The following KIAA1958 variants were observed in gnomAD, a reference collection of about 807,000 sequenced individuals.
KIAA1958 encodes the protein KIAA1958, also known as uncharacterized protein KIAA1958.
In KIAA1958, 14 loss-of-function variants were observed where a neutral mutation model predicts 47.2. That is an observed-to-expected ratio of 0.30 (90% confidence interval 0.20 to 0.46). The LOEUF is 0.46. KIAA1958 is among the 20% of genes least tolerant of loss of function. The pLI is 1.00. For synonymous variants in KIAA1958, 354 were observed against 353.3 expected (o/e 1.00, Z -0.02); for missense variants, 803 against 909.2 (o/e 0.88, Z 1.50).
intron 2 of KIAA1958, among the ~76,000 whole-genome samples, chr9:112,638,331 C>T (rs2131236842): frequency 6.6e-6 from 1 of 151,820 alleles, no homozygotes; most frequent in Non-Finnish European, 1.5e-5. Flanking sequence ...TAGTGAGACC[C>T]CTGTCACTAC....
chr9:112,655,130 T>G (rs1340841233), intron 3 of KIAA1958, among the ~76,000 whole-genome samples: 1 of 152,256 alleles, frequency 6.6e-6, no homozygotes, highest in Non-Finnish European at 1.5e-5. Context: ...GAGGATCTTT[T>G]TCTTCCTATC....
chr9:112,633,753 A>T (rs1836751207), intron 2 of KIAA1958, among the ~76,000 whole-genome samples: 1 of 152,014 alleles, frequency 6.6e-6, no homozygotes, highest in Non-Finnish European at 1.5e-5. Flanking sequence ...GCTTAACATT[A>T]TGTTTGTGGG....
chr9:112,620,244 G>A (rs1188251202), intron 2 of KIAA1958, among the ~76,000 whole-genome samples: 1 of 152,166 alleles, frequency 6.6e-6, no homozygotes, highest in Non-Finnish European at 1.5e-5. Flanking sequence ...CAATAAAGCT[G>A]AGCTAGGTTC....
intron 2 of KIAA1958, among the ~76,000 whole-genome samples, chr9:112,586,621 A>C (rs550488395): frequency 1.1e-4 from 16 of 152,344 alleles, no homozygotes; most frequent in African/African-American, 3.6e-4. Flanking sequence ...ATGAAATAAA[A>C]ACTATATTAT....
intron 3 of KIAA1958, among the ~76,000 whole-genome samples, chr9:112,655,651 A>G (rs533281482): frequency 6.6e-6 from 1 of 152,350 alleles, no homozygotes; most frequent in Non-Finnish European, 1.5e-5. Flanking sequence ...AGTGCCTTAA[A>G]GAAACCATTT....
At chr9:112,487,983 T>A (rs966401223) in intron 1 of KIAA1958, among the ~76,000 whole-genome samples, 1 of 140,046 alleles carries the variant, frequency 7.1e-6, no homozygotes, top group Non-Finnish European at 1.6e-5. Context: ...GTTTTGAAGT[T>A]TAGGAGTAAA....
chr9:112,488,257 C>T (rs991474263), intron 1 of KIAA1958, among the ~76,000 whole-genome samples: 1 of 152,088 alleles, frequency 6.6e-6, no homozygotes, highest in African/African-American at 2.4e-5. Flanking sequence ...TTTTATTCCA[C>T]GTATATAACC....
At chr9:112,590,595 A>C (rs1239817282) in intron 2 of KIAA1958, among the ~76,000 whole-genome samples, 2 of 151,614 alleles carry the variant, frequency 1.3e-5, no homozygotes, top group Non-Finnish European at 2.9e-5. Context: ...CAGGTGATCC[A>C]CCCGCTTGGG....
At chr9:112,543,800 C>T (rs183078083) in intron 1 of KIAA1958, among the ~76,000 whole-genome samples, 33 of 152,028 alleles carry the variant, frequency 2.2e-4, no homozygotes, top group African/African-American at 6.3e-4. Flanking sequence ...CTCGAACTTC[C>T]GACCTCAGAT....
At chr9:112,642,514 G>A (rs1350236527) in intron 2 of KIAA1958, among the ~76,000 whole-genome samples, 2 of 152,130 alleles carry the variant, frequency 1.3e-5, no homozygotes, top group Admixed American at 6.5e-5. Context: ...TCACGCAGCC[G>A]TACTTGCCAG....
chr9:112,575,020 A>G lies in KIAA1958; in HGVS notation c.940A>G (p.Thr314Ala), dbSNP rs1835618587. ...GGTGGCCATGCAAATGCCTGTGAGCACATCCCATCCTAACAAACAGATCAG... is the reference window on the plus strand; with the variant it reads ...GGTGGCCATGCAAATGCCTGTGAGCGCATCCCATCCTAACAAACAGATCAG... Reference protein sequence around the residue: ...QQVAMQMPVSTSHPNKQISIP... With the variant: ...QQVAMQMPVSASHPNKQISIP... Residue 314 changes from threonine (T) to alanine (A), a missense_variant, in exon 2 of 4, where the codon ACA (threonine) becomes GCA (alanine). Thr to Ala is a moderately conservative substitution (Grantham distance 58). This residue lies in a region of KIAA1958 where 761 missense variants were observed against 829.3 expected (regional missense o/e 0.92). Coordinates refer to ENST00000337530, the MANE Select transcript of KIAA1958 (RefSeq NM_133465.4). The G allele has an allele frequency of 6.2e-7, 1 of 1,614,188 alleles. No homozygotes were observed. The highest frequency in any genetic ancestry group is 2.2e-5 in the East Asian group (1 of 44,874).
chr9:112,653,473 C>G (rs1588055103), intron 3 of KIAA1958, among the ~76,000 whole-genome samples: 1 of 152,304 alleles, frequency 6.6e-6, no homozygotes, highest in East Asian at 1.9e-4. Context: ...AGTACCTCCC[C>G]TACTAGTCTC....
At chr9:112,605,315 G>C (rs1052312097) in intron 2 of KIAA1958, among the ~76,000 whole-genome samples, 3 of 152,026 alleles carry the variant, frequency 2.0e-5, no homozygotes, top group Non-Finnish European at 4.4e-5. Context: ...TTTTGCTGGG[G>C]CTGAGGATGG....
intron 1 of KIAA1958, among the ~76,000 whole-genome samples, chr9:112,520,271 A>G (rs527501799): frequency 6.6e-6 from 1 of 152,266 alleles, no homozygotes; most frequent in Non-Finnish European, 1.5e-5. Flanking sequence ...GAGTAGAAGC[A>G]CTACCTTCAG....
chr9:112,524,277 G>C (rs1186050382), intron 1 of KIAA1958, among the ~76,000 whole-genome samples: 2 of 152,194 alleles, frequency 1.3e-5, no homozygotes, highest in African/African-American at 2.4e-5. Flanking sequence ...CCAAAGCATG[G>C]GCTGTAGAAC....
intron 2 of KIAA1958, among the ~76,000 whole-genome samples, chr9:112,636,758 GTTCT>G (rs1836811622): frequency 6.6e-6 from 1 of 151,860 alleles, no homozygotes; most frequent in African/African-American, 2.4e-5. Context: ...TGTTCTATTT[GTTCT>G]TATATGTAAG....
At chr9:112,552,866 A>G (rs1275288870) in intron 1 of KIAA1958, among the ~76,000 whole-genome samples, 3 of 152,146 alleles carry the variant, frequency 2.0e-5, no homozygotes, top group East Asian at 1.9e-4. Context: ...GTACCATTCA[A>G]GTTGGCATGG....
intron 3 of KIAA1958, among the ~76,000 whole-genome samples, chr9:112,648,257 T>C (rs758386447): frequency 1.1e-4 from 17 of 152,140 alleles, no homozygotes; most frequent in Non-Finnish European, 2.2e-4. Flanking sequence ...AATAGTAGGT[T>C]TGTGGTACAG....
At chr9:112,571,791 A>T (rs1042562516) in intron 1 of KIAA1958, among the ~76,000 whole-genome samples, 7 of 151,272 alleles carry the variant, frequency 4.6e-5, no homozygotes, top group African/African-American at 1.7e-4. Context: ...TTAAAAAATA[A>T]AAAATAAATA....
Sources: gnomAD v4.1 joint callset for allele counts (sites outside exome capture counted in the v4.1 genomes callset) on GRCh38, gnomAD v4.1.1 for gene constraint, gnomAD v4.1.1 regional missense constraint, MANE v1.5 for transcripts, NCBI Gene and HGNC (gene_info 2026-07-23, HGNC 2026-07-21) for gene names.